Variants in MBOAT2 observed in about 807,000 individuals in gnomAD.
MBOAT2 encodes the protein membrane bound glycerophospholipid O-acyltransferase 2.
MBOAT2 carries 28 observed loss-of-function variants against 63.4 expected under a neutral mutation model. The observed-to-expected ratio is 0.44, with a 90% CI of 0.33 to 0.61. The LOEUF is 0.61. Ranked by LOEUF, MBOAT2 falls within the 20% of genes least tolerant of loss-of-function variation. The probability of loss-of-function intolerance (pLI) is 0.03; values close to 1 mark genes in which losing one functional copy is unlikely to be tolerated. For missense variants in MBOAT2, 470 were observed against 605.8 expected, an observed-to-expected ratio of 0.78 and a Z score of 2.35; for synonymous variants, 211 against 215.6, an observed-to-expected ratio of 0.98 and a Z score of 0.19.
intron 4 of MBOAT2, among the ~76,000 whole-genome samples, chr2:8,899,441 C>CCG (rs1278198181): frequency 6.6e-6 from 1 of 152,172 alleles, no homozygotes; most frequent in African/African-American, 2.4e-5. Flanking sequence ...ACTGAGAAGG[C>CCG]CGCGCCAGTG....
At position 8,855,422 on chromosome 2, in the gene MBOAT2, G is replaced by A. The variant is rs1048661623; in HGVS notation, c.*3257C>T. 1 of 152,198 alleles carries A rather than the reference G, an allele frequency of 6.6e-6. No individual in the cohort carries two copies. Among genetic ancestry groups the A allele is most frequent in the Non-Finnish European group, 1.5e-5 (1 of 68,038 alleles). The allele number at this position is 152,198 out of a possible 1,614,324, so 9.4% of individuals were successfully genotyped here. On this transcript the variant is annotated 3_prime_UTR_variant, in exon 13 of 13. Transcript: ENST00000305997. ...AGCTAGTGCTTAAATGTGAGTTACT[G>A]TCACTTTCTAGAAACCTCCTTTTTA...
intron 2 of MBOAT2, among the ~76,000 whole-genome samples, chr2:8,947,803 C>G (rs1668528682): frequency 6.6e-6 from 1 of 152,186 alleles, no homozygotes; most frequent in African/African-American, 2.4e-5. Context: ...AGAGCTCTGA[C>G]AGAGGTGGAC....
chr2:8,930,414 C>CT (rs371409402), intron 3 of MBOAT2, among the ~76,000 whole-genome samples: 15,564 of 151,958 alleles, frequency 0.1, 929 homozygotes, highest in African/African-American at 0.17. Context: ...ATGAACTCAT[C>CT]TTTTTTATGG....
chr2:8,943,004 G>A (rs1014025729), intron 3 of MBOAT2, among the ~76,000 whole-genome samples, 183 bp downstream of exon 3: 1 of 151,946 alleles, frequency 6.6e-6, no homozygotes, highest in Admixed American at 6.6e-5. Flanking sequence ...AAATGTCAAC[G>A]GTGCTTTAAG....
chr2:9,001,244 T>C (rs1485420183), intron 1 of MBOAT2, among the ~76,000 whole-genome samples: 1 of 152,208 alleles, frequency 6.6e-6, no homozygotes, highest in Admixed American at 6.5e-5. Context: ...ATAAAAAGTA[T>C]AGTAAATACA....
chr2:8,947,620 A>T (rs2103249400), intron 2 of MBOAT2, among the ~76,000 whole-genome samples: 2 of 152,374 alleles, frequency 1.3e-5, no homozygotes, highest in Middle Eastern at 6.8e-3. Flanking sequence ...CTTAAGAATT[A>T]CGCTAAATCG....
chr2:8,857,517 A>T lies in MBOAT2; in HGVS notation c.*1162T>A, dbSNP rs1472434383. 1 of 152,254 alleles carries T rather than the reference A, an allele frequency of 6.6e-6. No individual in the cohort carries two copies. Among genetic ancestry groups the T allele is most frequent in the Non-Finnish European group, 1.5e-5 (1 of 68,044 alleles). The allele number at this position is 152,254 out of a possible 1,614,324, so 9.4% of individuals were successfully genotyped here. ...CACAGCAAAATTTTAATGTGAGAAG[A>T]GTTTGAAACTGAATTTATATTATTC... On this transcript the variant is annotated 3_prime_UTR_variant, in exon 13 of 13. Coordinates refer to ENST00000305997, the MANE Select transcript of MBOAT2 (RefSeq NM_138799.4).
chr2:8,954,658 C>A (rs186052656), intron 2 of MBOAT2, among the ~76,000 whole-genome samples: 2 of 152,340 alleles, frequency 1.3e-5, no homozygotes, highest in African/African-American at 2.4e-5. Flanking sequence ...AGACAGGATA[C>A]CCTTGAACCA....
rs141263211 is a variant in MBOAT2, at chr2:8,907,334, G to A, written c.395+1287C>T. On this transcript the variant is annotated intron_variant, in intron 4 of 12. Transcript: ENST00000305997. ...GACTCAATATATATTTAATGCCATCGTGTGCTAAGCACTAGGATGCATGAT... is the reference window on the plus strand; with the variant it reads ...GACTCAATATATATTTAATGCCATCATGTGCTAAGCACTAGGATGCATGAT... 4.7e-3 allele frequency among the ~76,000 whole-genome samples: 710 copies of A among 152,222 alleles called. 2 individuals are homozygous for A. Among genetic ancestry groups the A allele is most frequent in the Non-Finnish European group, 8.6e-3 (583 of 68,018 alleles).
At chr2:8,893,263 C>G (rs747677343) in intron 4 of MBOAT2, among the ~76,000 whole-genome samples, 2 of 152,034 alleles carry the variant, frequency 1.3e-5, no homozygotes, top group Non-Finnish European at 2.9e-5. Flanking sequence ...GGTTTTTGAC[C>G]AGGGTAACTA....
chr2:8,967,670 C>T (rs1339641513), intron 1 of MBOAT2, among the ~76,000 whole-genome samples: 1 of 151,998 alleles, frequency 6.6e-6, no homozygotes, highest in Non-Finnish European at 1.5e-5. Context: ...TTTTTTAGAA[C>T]CTAGAATGAT....
chr2:8,978,851 C>T (rs1671008304), intron 1 of MBOAT2, among the ~76,000 whole-genome samples: 1 of 138,640 alleles, frequency 7.2e-6, no homozygotes, highest in South Asian at 2.2e-4. Flanking sequence ...AAGCACCCAT[C>T]TTAAAAAAAA....
chr2:8,883,183 A>G (rs1341309503), intron 5 of MBOAT2, among the ~76,000 whole-genome samples: 21 of 152,190 alleles, frequency 1.4e-4, no homozygotes, highest in Non-Finnish European at 2.9e-5. Flanking sequence ...TAATATTAAT[A>G]AATTAATAAA....
In MBOAT2 at chr2:8,877,155, C is replaced by A; in HGVS notation, c.565G>T (p.Ala189Ser). The change falls in exon 7 of 13, where the codon GCA becomes TCA. Residue 189 changes from alanine (A) to serine (S), a missense_variant. This residue lies in a region of MBOAT2 where 376 missense variants were observed against 503.8 expected (regional missense o/e 0.75). Transcript: ENST00000305997. ...SYNCNFMGIL[A>S]GPLCSYKDYI... is the part of the protein sequence containing the mutation. ...TCTTTGTAAGAGCAAAGTGGGCCTG[C>A]CAGGATCCCCATGAAGTTACAGTTG... is the stretch of plus-strand genomic sequence containing the variant. 1 of 1,614,034 alleles carries A rather than the reference C, an allele frequency of 6.2e-7. No individual in the cohort carries two copies. Among genetic ancestry groups the A allele is most frequent in the Non-Finnish European group, 8.5e-7 (1 of 1,179,980 alleles).
At chr2:8,874,068 G>A (rs1184469254) in intron 7 of MBOAT2, among the ~76,000 whole-genome samples, 1 of 152,172 alleles carries the variant, frequency 6.6e-6, no homozygotes, top group Non-Finnish European at 1.5e-5. Flanking sequence ...CAAAATATCT[G>A]GATTTAGAAG....
intron 3 of MBOAT2, 93 bp from the exon 4 acceptor site, chr2:8,908,809 T>C (rs1665510851): frequency 1.4e-6 from 1 of 705,166 alleles, no homozygotes; most frequent in South Asian, 1.9e-5. Flanking sequence ...ATGATATGGT[T>C]CAGAAATTAA....
chr2:8,962,281 C>G (rs780335795), intron 1 of MBOAT2, among the ~76,000 whole-genome samples: 1 of 152,126 alleles, frequency 6.6e-6, no homozygotes, highest in Non-Finnish European at 1.5e-5. Flanking sequence ...TTCCTGACCA[C>G]TGCATTATAC....
At chr2:8,887,754 T>G (rs963916286) in intron 5 of MBOAT2, among the ~76,000 whole-genome samples, 1 of 152,238 alleles carries the variant, frequency 6.6e-6, no homozygotes, top group Non-Finnish European at 1.5e-5. Flanking sequence ...TTCCTTTATA[T>G]GTCAAATTAT....
Position 8,889,535 on chromosome 2 carries a change from C to T in MBOAT2, c.396-1462G>A, listed in dbSNP as rs1365155047. 2.0e-5 allele frequency among the ~76,000 whole-genome samples: 3 copies of T among 152,190 alleles called. No homozygotes were observed. In the South Asian group the frequency reaches 6.2e-4, roughly 31 times the overall value. ...CTAATCCCCCAGGTGGCTTGGAACA[C>T]CCGATTGCTATTTCTGCTTTGCAAG... On this transcript the variant is annotated intron_variant, in intron 4 of 12. Transcript: ENST00000305997.
Sources: gnomAD v4.1 joint callset for allele counts (sites outside exome capture counted in the v4.1 genomes callset) on GRCh38, gnomAD v4.1.1 for gene constraint, gnomAD v4.1.1 regional missense constraint, MANE v1.5 for transcripts, NCBI Gene and HGNC (gene_info 2026-07-23, HGNC 2026-07-21) for gene names.